Variants in ADAMTS16 observed in about 807,000 individuals in gnomAD.
The protein encoded by ADAMTS16 is A disintegrin and metalloproteinase with thrombospondin motifs 16.
A neutral mutation model predicts 145.8 loss-of-function variants in ADAMTS16; 94 were observed. The ratio of observed to expected loss-of-function variants is 0.64; its 90% CI spans 0.55 to 0.77. ADAMTS16 has a LOEUF of 0.77. Among genes scored for constraint, ADAMTS16 ranks in the 30% least tolerant of loss-of-function variants. The pLI is 0.00. For missense variants in ADAMTS16, 1,585 were observed against 1,591.5 expected (o/e 1.00, Z 0.07); for synonymous variants, 659 against 604.3 (o/e 1.09, Z -1.33).
intron 18 of ADAMTS16, among the ~76,000 whole-genome samples, chr5:5,288,745 G>A (rs541373635): frequency 2.6e-5 from 4 of 152,194 alleles, no homozygotes; most frequent in Non-Finnish European, 4.4e-5. Flanking sequence ...ACAAACTCAC[G>A]TCAGATTTTT....
chr5:5,246,936 C>T (rs1737460798), intron 17 of ADAMTS16, among the ~76,000 whole-genome samples: 1 of 152,166 alleles, frequency 6.6e-6, no homozygotes, highest in Non-Finnish European at 1.5e-5. Flanking sequence ...GTTCCAAGAA[C>T]TGTGAGAATT....
intron 3 of ADAMTS16, among the ~76,000 whole-genome samples, chr5:5,159,333 T>C (rs2126524131): frequency 6.6e-6 from 1 of 152,354 alleles, no homozygotes; most frequent in East Asian, 1.9e-4. Context: ...GTGTGATTTA[T>C]CTTACTAACC....
At chr5:5,303,905 T>C in intron 20 of ADAMTS16, 139 bp downstream of exon 20, 1 of 974,990 alleles carries the variant, frequency 1.0e-6, no homozygotes, top group South Asian at 1.7e-5. Context: ...CTTCTCAGCT[T>C]CCAACAACTT....
chr5:5,146,393 T>A lies in ADAMTS16; in HGVS notation c.439T>A (p.Tyr147Asn). The change falls in exon 3 of 23, where the codon TAT (tyrosine) becomes AAT (asparagine). Residue 147 changes from tyrosine (Y) to asparagine (N), a missense_variant. Tyr to Asn is a moderately radical substitution (Grantham distance 143). Around this residue, in one of 3 missense-constraint regions of ADAMTS16, gnomAD observed 453 missense variants for 412.1 expected, o/e 1.10. Transcript: ENST00000274181. ...QTLPPEDFCF[Y>N]QGSLRSHRNS... is the part of the protein sequence containing the mutation. ...TTTACCGCCAGAGGACTTCTGTTTCTATCAAGGCTCTTTGCGATCACACAG... is the reference window on the plus strand; with the variant it reads ...TTTACCGCCAGAGGACTTCTGTTTCAATCAAGGCTCTTTGCGATCACACAG... The A allele has an allele frequency of 1.2e-6, 2 of 1,614,000 alleles. No homozygotes were observed. Among genetic ancestry groups the A allele is most frequent in the Non-Finnish European group, 1.7e-6 (2 of 1,180,048 alleles).
chr5:5,224,039 T>C (rs986331317), intron 11 of ADAMTS16, among the ~76,000 whole-genome samples: 1 of 152,104 alleles, frequency 6.6e-6, no homozygotes, highest in Non-Finnish European at 1.5e-5. Flanking sequence ...TTAACAACAA[T>C]GCTAACACAC....
At chr5:5,204,368 A>G (rs753374421) in intron 9 of ADAMTS16, among the ~76,000 whole-genome samples, 15 of 152,208 alleles carry the variant, frequency 9.9e-5, no homozygotes, top group Non-Finnish European at 1.8e-4. Context: ...AAATTATAAG[A>G]GTGCCTACAG....
Position 5,319,513 on chromosome 5 carries a change from A to G in ADAMTS16, c.*375A>G, listed in dbSNP as rs961668252. On this transcript the variant is annotated 3_prime_UTR_variant, in exon 23 of 23. Coordinates refer to ENST00000274181, the MANE Select transcript of ADAMTS16 (RefSeq NM_139056.4). The stretch of plus-strand genomic sequence containing the variant: ...AAATGTCTGGTGCCTTAGAAAAAGA[A>G]GGAAAGGCCATGAAATAAGGAAAAC... 2.4e-5 allele frequency: 7 copies of G among 297,562 alleles called. No homozygotes were observed. Among genetic ancestry groups the G allele is most frequent in the African/African-American group, 1.3e-4 (6 of 45,006 alleles). The allele number at this position is 297,562 out of a possible 1,614,324, so 18.4% of individuals were successfully genotyped here. A position where few individuals can be genotyped will look rare whatever the true frequency, so the allele number is the denominator to read the frequency against.
intron 3 of ADAMTS16, among the ~76,000 whole-genome samples, chr5:5,177,351 G>A (rs959656281): frequency 1.3e-5 from 2 of 152,182 alleles, no homozygotes; most frequent in Non-Finnish European, 2.9e-5. Context: ...GTGAAGCCTG[G>A]ACTTCTTTGG....
In ADAMTS16 at chr5:5,232,458, T is replaced by C. The variant is rs369717831; in HGVS notation, c.1792T>C (p.Cys598Arg). 3 of 1,614,090 alleles carry C rather than the reference T, an allele frequency of 1.9e-6. No individual in the cohort carries two copies. Among genetic ancestry groups the C allele is most frequent in the Non-Finnish European group, 2.5e-6 (3 of 1,180,004 alleles). Residue 598 changes from cysteine to arginine, a missense_variant, in exon 12 of 23, where the codon TGC becomes CGC. Coordinates refer to ENST00000274181, the MANE Select transcript of ADAMTS16 (RefSeq NM_139056.4). ...HWSDWSSWSP[C>R]SRTCGGGVSH... is the part of the protein sequence containing the mutation. Reference sequence around the variant, plus strand: ...GTCGGACTGGTCTTCTTGGTCCCCATGCTCCAGGACCTGCGGAGGGGGAGT... The same window carrying C: ...GTCGGACTGGTCTTCTTGGTCCCCACGCTCCAGGACCTGCGGAGGGGGAGT...
chr5:5,156,283 T>G (rs1361677690), intron 3 of ADAMTS16, among the ~76,000 whole-genome samples: 1 of 152,186 alleles, frequency 6.6e-6, no homozygotes, highest in Non-Finnish European at 1.5e-5. Context: ...CCAGGGATGT[T>G]TGACTTTTTC....
chr5:5,305,143 C>A (rs1458542005), intron 20 of ADAMTS16, among the ~76,000 whole-genome samples: 1 of 60,880 alleles, frequency 1.6e-5, no homozygotes, highest in Admixed American at 1.5e-4. Flanking sequence ...ACACACACAT[C>A]CCACACCACA....
At chr5:5,166,990 G>C (rs1734903326) in intron 3 of ADAMTS16, among the ~76,000 whole-genome samples, 1 of 152,152 alleles carries the variant, frequency 6.6e-6, no homozygotes, top group Admixed American at 6.5e-5. Flanking sequence ...CCTATTTAAT[G>C]ATGACCCTAC....
intron 18 of ADAMTS16, among the ~76,000 whole-genome samples, chr5:5,284,954 G>A (rs1322428958): frequency 6.6e-6 from 1 of 152,108 alleles, no homozygotes; most frequent in Non-Finnish European, 1.5e-5. Flanking sequence ...CTTATTCTGA[G>A]TGCTTTATGG....
At chr5:5,290,832 T>C (rs6890194) in intron 18 of ADAMTS16, among the ~76,000 whole-genome samples, 4,174 of 152,282 alleles carry the variant, frequency 0.027, 218 homozygotes, top group African/African-American at 0.094. Context: ...TTTCACTGTG[T>C]AGGACCTGAA....
chr5:5,168,641 T>C (rs1318497607), intron 3 of ADAMTS16, among the ~76,000 whole-genome samples: 1 of 99,856 alleles, frequency 1.0e-5, no homozygotes, highest in Non-Finnish European at 2.2e-5. Context: ...ATAATATATA[T>C]AATTATATTT....
At chr5:5,271,671 A>G (rs558696229) in intron 18 of ADAMTS16, among the ~76,000 whole-genome samples, 37 of 152,348 alleles carry the variant, frequency 2.4e-4, no homozygotes, top group African/African-American at 8.7e-4. Context: ...CACACCTGCC[A>G]GGACAGGGGA....
intron 17 of ADAMTS16, among the ~76,000 whole-genome samples, chr5:5,257,005 A>G (rs553035744): frequency 4.6e-5 from 7 of 152,296 alleles, no homozygotes; most frequent in African/African-American, 1.7e-4. Flanking sequence ...GGTTATCATA[A>G]CTATTACACT....
At chr5:5,288,078 G>A (rs1018445074) in intron 18 of ADAMTS16, among the ~76,000 whole-genome samples, 1 of 152,206 alleles carries the variant, frequency 6.6e-6, no homozygotes, top group Non-Finnish European at 1.5e-5. Flanking sequence ...AGAGGAGGAA[G>A]GAGGCCATCA....
intron 8 of ADAMTS16, among the ~76,000 whole-genome samples, chr5:5,199,116 GA>G (rs1735886618): frequency 6.6e-6 from 1 of 152,170 alleles, no homozygotes; most frequent in African/African-American, 2.4e-5. Context: ...TGGGATAGTT[GA>G]AAATGGGATC....
Sources: gnomAD v4.1 joint callset for allele counts (sites outside exome capture counted in the v4.1 genomes callset) on GRCh38, gnomAD v4.1.1 for gene constraint, gnomAD v4.1.1 regional missense constraint, MANE v1.5 for transcripts, NCBI Gene and HGNC (gene_info 2026-07-23, HGNC 2026-07-21) for gene names.